Variants in LRRC3B observed in about 807,000 individuals in gnomAD.
LRRC3B encodes leucine-rich repeat-containing protein 3B.
LRRC3B carries 2 observed loss-of-function variants against 12.8 expected under a neutral mutation model. That is an observed-to-expected ratio of 0.16 (90% CI 0.06 to 0.49). The LOEUF is 0.49. Among genes scored for constraint, LRRC3B ranks in the 20% least tolerant of loss-of-function variants. The probability of loss-of-function intolerance (pLI) is 0.96; values close to 1 mark genes in which losing one functional copy is unlikely to be tolerated. For missense variants in LRRC3B, 189 were observed against 319.4 expected, an observed-to-expected ratio of 0.59 and a Z score of 3.11; for synonymous variants, 132 against 122.0, an observed-to-expected ratio of 1.08 and a Z score of -0.54.
intron 1 of LRRC3B, among the ~76,000 whole-genome samples, chr3:26,661,903 T>C (rs1019331121): frequency 2.6e-5 from 4 of 152,180 alleles, no homozygotes; most frequent in Admixed American, 2.6e-4. Flanking sequence ...TAAAGACTGG[T>C]GGTCAGGAAT....
At chr3:26,625,081 T>G (rs1466977494) in intron 1 of LRRC3B, 1 of 152,248 alleles carries the variant, frequency 6.6e-6, no homozygotes, top group Non-Finnish European at 1.5e-5. Flanking sequence ...AGGGAAACAT[T>G]TGGAGGTTGG....
At chr3:26,675,912 G>T (rs1310061287) in intron 1 of LRRC3B, among the ~76,000 whole-genome samples, 1 of 150,554 alleles carries the variant, frequency 6.6e-6, no homozygotes, top group Non-Finnish European at 1.5e-5. Flanking sequence ...AATAAAATGT[G>T]GGAATCTGAC....
intron 1 of LRRC3B, among the ~76,000 whole-genome samples, chr3:26,690,068 GCA>G (rs1270134785): frequency 6.6e-6 from 1 of 152,180 alleles, no homozygotes; most frequent in Non-Finnish European, 1.5e-5. Flanking sequence ...AAAGCCATAG[GCA>G]TGGTAAAAAT....
At chr3:26,651,475 G>T (rs1333442644) in intron 1 of LRRC3B, among the ~76,000 whole-genome samples, 1 of 152,128 alleles carries the variant, frequency 6.6e-6, no homozygotes, top group Admixed American at 6.5e-5. Context: ...TACTTGTTTA[G>T]TATTTGTCTC....
chr3:26,667,283 G>C (rs1430267126), intron 1 of LRRC3B, among the ~76,000 whole-genome samples: 1 of 151,990 alleles, frequency 6.6e-6, no homozygotes, highest in African/African-American at 2.4e-5. Context: ...GTTTGTTAAG[G>C]GTTCTCATTC....
intron 1 of LRRC3B, among the ~76,000 whole-genome samples, chr3:26,658,932 G>A (rs762262169): frequency 9.8e-5 from 15 of 152,308 alleles, no homozygotes; most frequent in Middle Eastern, 3.4e-3. Context: ...AGCTGTATGC[G>A]GATCTGCAGA....
At position 26,706,575 on chromosome 3, in the gene LRRC3B, G is replaced by A. The variant is rs555358048; in HGVS notation, c.-160-2938G>A. On this transcript the variant is annotated intron_variant, in intron 1 of 1. Transcript: ENST00000396641. ...CACAAGCATTACATCCAGTTCACAGGTAGACCATTTGGGATATGACGGATT... is the reference window on the plus strand; with the variant it reads ...CACAAGCATTACATCCAGTTCACAGATAGACCATTTGGGATATGACGGATT... Among the ~76,000 whole-genome samples the A allele has an allele frequency of 6.6e-5, 10 of 152,278 alleles. No individual in the cohort carries two copies. The South Asian group carries it at 2.1e-3, about 32-fold the overall frequency.
At chr3:26,634,593 C>T (rs1698826548) in intron 1 of LRRC3B, among the ~76,000 whole-genome samples, 1 of 152,164 alleles carries the variant, frequency 6.6e-6, no homozygotes, top group South Asian at 2.1e-4. Flanking sequence ...TGTGTGTTGG[C>T]TGTTCCCTTG....
At chr3:26,680,857 A>G (rs141428878) in intron 1 of LRRC3B, among the ~76,000 whole-genome samples, 1 of 152,340 alleles carries the variant, frequency 6.6e-6, no homozygotes, top group Non-Finnish European at 1.5e-5. Context: ...ATTTCCAAAT[A>G]TTTCAGAAAA....
chr3:26,689,696 C>T (rs1392511851), intron 1 of LRRC3B, among the ~76,000 whole-genome samples: 1 of 152,158 alleles, frequency 6.6e-6, no homozygotes, highest in Admixed American at 6.5e-5. Context: ...TGGCCCACCC[C>T]CAGGACTTTT....
chr3:26,709,447 C>T (rs1700693076), intron 1 of LRRC3B, 66 bp from the exon 2 acceptor site: 1 of 562,470 alleles, frequency 1.8e-6, no homozygotes, highest in South Asian at 2.4e-5. Flanking sequence ...CACCTGAGAA[C>T]ACCTTTCATT....
At chr3:26,710,460 A>G (rs755320958) in exon 2 of LRRC3B, 7 of 1,554,862 alleles carry the variant, frequency 4.5e-6, no homozygotes, top group Non-Finnish European at 6.1e-6. Context: ...TAGTGTCCAA[A>G]CTGACTGTCA....
In LRRC3B at chr3:26,639,567, T is replaced by C. The variant is rs1575117589; in HGVS notation, c.-161+16330T>C. 2.0e-5 allele frequency among the ~76,000 whole-genome samples: 3 copies of C among 150,956 alleles called. No individual in the cohort carries two copies. The South Asian group carries it at 6.2e-4, about 31-fold the overall frequency. ...TTAAATTAATCACAGTTAAATAAAC[T>C]TAAATATTTAGTTCCTCAGTCACAC... On this transcript the variant is annotated intron_variant, in intron 1 of 1. Transcript: ENST00000396641.
chr3:26,632,783 G>A (rs921426106), intron 1 of LRRC3B, among the ~76,000 whole-genome samples: 1 of 152,092 alleles, frequency 6.6e-6, no homozygotes, highest in African/African-American at 2.4e-5. Flanking sequence ...AGATGGAGTT[G>A]CTTTGGCCTC....
At chr3:26,636,972 T>TTCTTTCTTTCTC (rs1559350466) in intron 1 of LRRC3B, among the ~76,000 whole-genome samples, 1 of 76,104 alleles carries the variant, frequency 1.3e-5, no homozygotes, top group Non-Finnish European at 2.5e-5. Flanking sequence ...CTTTCTTTCT[T>TTCTTTCTTTCTC]TCTCTCTCTC....
At chr3:26,645,494 A>G (rs1374260833) in intron 1 of LRRC3B, among the ~76,000 whole-genome samples, 1 of 152,178 alleles carries the variant, frequency 6.6e-6, no homozygotes. Context: ...CAGCTGATCA[A>G]ACAATACTAT....
intron 1 of LRRC3B, among the ~76,000 whole-genome samples, chr3:26,645,366 T>C (rs1007556100): frequency 6.6e-6 from 1 of 152,050 alleles, no homozygotes; most frequent in Non-Finnish European, 1.5e-5. Context: ...ATAAAGATGG[T>C]CTCTGGTAAG....
chr3:26,708,406 G>A (rs2125466949), intron 1 of LRRC3B, among the ~76,000 whole-genome samples: 1 of 152,316 alleles, frequency 6.6e-6, no homozygotes, highest in African/African-American at 2.4e-5. Context: ...GATGAGACTG[G>A]AAGAGAGTGT....
At chr3:26,700,335 C>T (rs757598104) in intron 1 of LRRC3B, among the ~76,000 whole-genome samples, 14 of 151,878 alleles carry the variant, frequency 9.2e-5, no homozygotes, top group Admixed American at 2.0e-4. Flanking sequence ...TGTTTACAGA[C>T]ATTCATATAA....
Sources: allele counts gnomAD v4.1 joint callset (sites outside exome capture counted in the v4.1 genomes callset), GRCh38; gene constraint gnomAD v4.1.1; transcripts MANE v1.5; gene names NCBI Gene and HGNC (gene_info 2026-07-23, HGNC 2026-07-21).